SLC5A4: variants seen among roughly 807,000 people sequenced by gnomAD.
The protein encoded by SLC5A4 is probable glucose sensor protein SLC5A4.
SLC5A4 carries 55 observed loss-of-function variants against 70.3 expected under a neutral mutation model. The ratio of observed to expected loss-of-function variants is 0.78; its 90% CI spans 0.63 to 0.98. The LOEUF (loss-of-function observed/expected upper bound fraction) is 0.98, where lower values mean the gene tolerates loss of function less well. Among genes scored for constraint, SLC5A4 ranks in the 50% least tolerant of loss-of-function variants. The pLI, the probability that SLC5A4 is intolerant of heterozygous loss-of-function variation, is 0.00. For synonymous variants in SLC5A4, 268 were observed against 305.7 expected (o/e 0.88, Z 1.29); for missense variants, 735 against 839.2 (o/e 0.88, Z 1.53).
the SLC5A4 span, among the ~76,000 whole-genome samples, chr22:32,343,809 A>C: frequency 6.6e-6 from 1 of 152,222 alleles, no homozygotes; most frequent in Non-Finnish European, 1.5e-5. Context: ...CAACTTTTCT[A>C]CTTCACCTTT....
chr22:32,267,907 G>A, the SLC5A4 span, among the ~76,000 whole-genome samples: 2 of 152,130 alleles, frequency 1.3e-5, no homozygotes, highest in African/African-American at 2.4e-5. Flanking sequence ...GGAGGATCAC[G>A]AGGTCAGGAG....
At position 32,239,885 on chromosome 22, in the gene SLC5A4, A is replaced by G. The variant is rs561222489; in HGVS notation, c.478-795T>C. 3.0e-3 allele frequency among the ~76,000 whole-genome samples: 451 copies of G among 150,422 alleles called. 1 individual carries two copies. The highest frequency in any genetic ancestry group is 5.4e-3 in the Non-Finnish European group (364 of 67,728). On this transcript the variant is annotated intron_variant, in intron 5 of 14. Coordinates refer to ENST00000266086, the MANE Select transcript of SLC5A4 (RefSeq NM_014227.3). The stretch of plus-strand genomic sequence containing the variant: ...TACAAATACAAAAAATTAGCCAGGC[A>G]TGGTGGCAGCCGTGTGTAGTCCCAG...
intron 7 of SLC5A4, among the ~76,000 whole-genome samples, chr22:32,236,657 T>C (rs1926074542): frequency 6.6e-6 from 1 of 152,168 alleles, no homozygotes; most frequent in African/African-American, 2.4e-5. Context: ...TTGTCTGTCC[T>C]TAACACAAAG....
intron 13 of SLC5A4, 144 bp from the exon 14 acceptor site, chr22:32,221,166 A>G: frequency 2.0e-6 from 1 of 495,324 alleles, no homozygotes; most frequent in East Asian, 2.9e-5. Context: ...AAGGCCTCCT[A>G]CCACACTCAC....
chr22:32,248,906 G>A (rs903441554), intron 3 of SLC5A4, 104 bp from the exon 4 acceptor site: 2 of 775,062 alleles, frequency 2.6e-6, no homozygotes, highest in African/African-American at 3.5e-5. Flanking sequence ...AAAAAAGTTG[G>A]CTCAATCCTG....
the SLC5A4 span, among the ~76,000 whole-genome samples, chr22:32,333,546 G>A: frequency 2.0e-5 from 3 of 152,012 alleles, no homozygotes; most frequent in Non-Finnish European, 4.4e-5. Flanking sequence ...CCAAGGCTGT[G>A]TGCACTGTGG....
At chr22:32,251,364 T>C (rs1428236445) in intron 3 of SLC5A4, among the ~76,000 whole-genome samples, 1 of 152,092 alleles carries the variant, frequency 6.6e-6, no homozygotes, top group Non-Finnish European at 1.5e-5. Context: ...TCTTCCCTCA[T>C]AAACAGATGG....
At chr22:32,308,284 A>G in the SLC5A4 span, among the ~76,000 whole-genome samples, 6 of 150,990 alleles carry the variant, frequency 4.0e-5, no homozygotes, top group Non-Finnish European at 8.8e-5. Context: ...AAAAAATTTT[A>G]CAAGTCTGCA....
chr22:32,229,311 G>T lies in SLC5A4; in HGVS notation c.1163C>A (p.Ala388Asp). Residue 388 changes from alanine to aspartate, a missense_variant, in exon 11 of 15, where the codon GCC becomes GAC. Transcript: ENST00000266086. ...GGAGGTCAGGGAGCTCATGAGAGAG[G>T]CCAGCATGACCGAAAGCATCAGGCC... is the stretch of plus-strand genomic sequence containing the variant. Reference protein sequence around the residue: ...LRGLMLSVMLASLMSSLTSIF... With the variant: ...LRGLMLSVMLDSLMSSLTSIF... 13 of 1,614,178 alleles carry T rather than the reference G, an allele frequency of 8.1e-6. No individual in the cohort carries two copies. The highest frequency in any genetic ancestry group is 1.0e-5 in the Non-Finnish European group (12 of 1,180,014).
intron 3 of SLC5A4, among the ~76,000 whole-genome samples, chr22:32,249,661 A>T (rs1927029239): frequency 6.6e-6 from 1 of 152,214 alleles, no homozygotes; most frequent in South Asian, 2.1e-4. Context: ...TTTCACTATG[A>T]TCCAACTTTC....
chr22:32,320,142 ATG>A, the SLC5A4 span, among the ~76,000 whole-genome samples: 5 of 152,210 alleles, frequency 3.3e-5, no homozygotes, highest in Non-Finnish European at 5.9e-5. Context: ...TAAAGCCATA[ATG>A]AGAGAGGATT....
the SLC5A4 span, among the ~76,000 whole-genome samples, chr22:32,337,738 A>C: frequency 2.0e-4 from 31 of 152,280 alleles, no homozygotes; most frequent in South Asian, 6.4e-3. Flanking sequence ...CAATTTCCCG[A>C]GCGTAAATAC....
the SLC5A4 span, chr22:32,272,131 A>G: frequency 1.5e-6 from 1 of 679,958 alleles, no homozygotes; most frequent in African/African-American, 1.8e-5. Flanking sequence ...CAGCAAGGAG[A>G]CCAGGTCAGG....
upstream of SLC5A4, among the ~76,000 whole-genome samples, chr22:32,256,042 T>C (rs62241064): frequency 0.16 from 25,015 of 152,006 alleles, 2,391 homozygotes; most frequent in African/African-American, 0.28. Flanking sequence ...GTAAAGCCTA[T>C]GCGGTGGCTG....
intron 3 of SLC5A4, among the ~76,000 whole-genome samples, chr22:32,249,364 C>G (rs892371651): frequency 1.3e-5 from 2 of 152,182 alleles, no homozygotes; most frequent in Non-Finnish European, 2.9e-5. Context: ...CCCAAGGTCA[C>G]AGTGACAGGG....
At chr22:32,304,371 C>A in the SLC5A4 span, among the ~76,000 whole-genome samples, 253 of 152,258 alleles carry the variant, frequency 1.7e-3, no homozygotes, top group Non-Finnish European at 3.2e-3. Context: ...GAACTCCTGA[C>A]CTCAGGTGAT....
chr22:32,258,225 G>T (rs1021279628), upstream of SLC5A4, among the ~76,000 whole-genome samples: 1 of 152,184 alleles, frequency 6.6e-6, no homozygotes, highest in Non-Finnish European at 1.5e-5. Flanking sequence ...CTGATCTCAT[G>T]TCATCTGTGA....
At chr22:32,346,287 C>T in the SLC5A4 span, among the ~76,000 whole-genome samples, 1 of 152,072 alleles carries the variant, frequency 6.6e-6, no homozygotes, top group Admixed American at 6.5e-5. Context: ...TTTCATAATC[C>T]AGATAATCTA....
At chr22:32,348,532 G>C in the SLC5A4 span, among the ~76,000 whole-genome samples, 1 of 152,204 alleles carries the variant, frequency 6.6e-6, no homozygotes, top group African/African-American at 2.4e-5. Flanking sequence ...AGACCCCAGA[G>C]AGAGCTCTTG....
Sources: allele counts gnomAD v4.1 joint callset (sites outside exome capture counted in the v4.1 genomes callset), GRCh38; gene constraint gnomAD v4.1.1; transcripts MANE v1.5; gene names NCBI Gene and HGNC (gene_info 2026-07-23, HGNC 2026-07-21).